KLHL20: variants seen among roughly 807,000 people sequenced by gnomAD.
The protein encoded by KLHL20 is kelch-like protein 20.
Under a neutral mutation model 69.5 loss-of-function variants are expected in KLHL20, and 29 were observed. The ratio of observed to expected loss-of-function variants is 0.42; its 90% confidence interval spans 0.31 to 0.57. The LOEUF (loss-of-function observed/expected upper bound fraction) is 0.57, where lower values mean the gene tolerates loss of function less well. Among genes scored for constraint, KLHL20 ranks in the 20% least tolerant of loss-of-function variants. The probability of loss-of-function intolerance (pLI) is 0.18; values close to 1 mark genes in which losing one functional copy is unlikely to be tolerated. For missense variants in KLHL20, 419 were observed against 776.0 expected (o/e 0.54, Z 5.47); for synonymous variants, 253 against 265.2 (o/e 0.95, Z 0.45).
At chr1:173,764,899 T>TA (rs1208011720) in intron 7 of KLHL20, among the ~76,000 whole-genome samples, 7 of 151,860 alleles carry the variant, frequency 4.6e-5, no homozygotes, top group Non-Finnish European at 8.8e-5. Context: ...CATCCCAGTT[T>TA]AAAAAAAATT....
At chr1:173,759,476 C>T (rs1013163125) in intron 7 of KLHL20, among the ~76,000 whole-genome samples, 8 of 152,170 alleles carry the variant, frequency 5.3e-5, no homozygotes, top group Admixed American at 2.0e-4. Context: ...CTCACGGAGT[C>T]CATTGCACCC....
chr1:173,718,207 C>T (rs1030848823), intron 2 of KLHL20, among the ~76,000 whole-genome samples: 2 of 151,408 alleles, frequency 1.3e-5, no homozygotes, highest in South Asian at 2.2e-4. Flanking sequence ...GGATTACAGG[C>T]GTGAGCCACC....
intron 8 of KLHL20, 21 bp from the exon 9 acceptor site, chr1:173,774,284 G>A (rs1215461062): frequency 6.2e-7 from 1 of 1,614,006 alleles, no homozygotes; most frequent in Admixed American, 1.7e-5. Flanking sequence ...CAAGCATACA[G>A]TCTGGTTTCC....
intron 8 of KLHL20, among the ~76,000 whole-genome samples, chr1:173,768,745 A>G (rs1647890414): frequency 6.6e-6 from 1 of 152,228 alleles, no homozygotes; most frequent in Non-Finnish European, 1.5e-5. Flanking sequence ...ATTTTATGTT[A>G]TGTGTGTTTT....
chr1:173,773,607 C>A (rs914379194), intron 8 of KLHL20, among the ~76,000 whole-genome samples: 1 of 151,878 alleles, frequency 6.6e-6, no homozygotes, highest in Non-Finnish European at 1.5e-5. Flanking sequence ...ACAGCCATCA[C>A]CCCCACTACA....
chr1:173,754,523 G>T (rs1379203998), intron 5 of KLHL20, among the ~76,000 whole-genome samples: 4 of 150,846 alleles, frequency 2.7e-5, no homozygotes, highest in Non-Finnish European at 5.9e-5. Context: ...GGTGGAGGTT[G>T]CGGTGAGCCA....
chr1:173,736,940 G>T (rs1419906748), intron 3 of KLHL20, among the ~76,000 whole-genome samples: 1 of 152,104 alleles, frequency 6.6e-6, no homozygotes, highest in African/African-American at 2.4e-5. Context: ...CAGGAGTAAA[G>T]TGGTATCACA....
intron 2 of KLHL20, among the ~76,000 whole-genome samples, chr1:173,727,445 T>C (rs142270664): frequency 0.09 from 13,719 of 152,024 alleles, 2,005 homozygotes; most frequent in African/African-American, 0.31. Context: ...AGACACATAA[T>C]TGTCAGATTC....
intron 2 of KLHL20, among the ~76,000 whole-genome samples, chr1:173,716,605 T>C (rs75912823): frequency 1.8e-4 from 27 of 152,272 alleles, no homozygotes; most frequent in South Asian, 1.4e-3. Flanking sequence ...TGGGAAAATA[T>C]AGACAATAAA....
chr1:173,734,229 T>C lies in KLHL20; in HGVS notation c.540T>C (p.His180=). 1 of 1,614,164 alleles carries C rather than the reference T, an allele frequency of 6.2e-7. No homozygotes were observed. The highest frequency in any genetic ancestry group is 8.5e-7 in the Non-Finnish European group (1 of 1,180,018). ...CLGIRAFADT[H]SCRELLRIAD... ...GCATTCGGGCTTTTGCTGACACACA[T>C]TCATGTCGTGAGTTGCTAAGGATAG... The change falls in exon 3 of 12, where the codon CAT becomes CAC. Residue 180 remains histidine, a synonymous_variant. Transcript: ENST00000209884.
At chr1:173,718,042 G>A (rs1313715184) in intron 2 of KLHL20, among the ~76,000 whole-genome samples, 1 of 152,068 alleles carries the variant, frequency 6.6e-6, no homozygotes, top group Non-Finnish European at 1.5e-5. Flanking sequence ...TTCTTTTAGA[G>A]GCATTGTAGT....
At chr1:173,720,515 T>G (rs867523112) in intron 2 of KLHL20, among the ~76,000 whole-genome samples, 3 of 152,202 alleles carry the variant, frequency 2.0e-5, no homozygotes, top group Non-Finnish European at 4.4e-5. Flanking sequence ...CCAATGGACA[T>G]TATTATATAC....
At chr1:173,765,564 C>A (rs1647648172) in intron 7 of KLHL20, among the ~76,000 whole-genome samples, 1 of 151,212 alleles carries the variant, frequency 6.6e-6, no homozygotes, top group Non-Finnish European at 1.5e-5. Context: ...CCCATTTGCA[C>A]AAAGAGAAAT....
rs556357115 is a variant in KLHL20, at chr1:173,768,761, A to C, written c.1295+2472A>C. Among the ~76,000 whole-genome samples the C allele has an allele frequency of 3.8e-4, 58 of 152,358 alleles. No homozygotes were observed. The South Asian group carries it at 9.3e-3, about 24-fold the overall frequency. ...TTTTATGTTATGTGTGTTTTACCAC[A>C]ATTTAAAAATCAGAACCTGTGAACA... On this transcript the variant is annotated intron_variant, in intron 8 of 11. Transcript: ENST00000209884.
intron 2 of KLHL20, among the ~76,000 whole-genome samples, chr1:173,727,483 T>C (rs548843829): frequency 2.5e-3 from 382 of 152,118 alleles, no homozygotes; most frequent in Non-Finnish European, 4.4e-3. Context: ...GGAAAAAATG[T>C]TAAGGGCAGC....
At chr1:173,729,657 G>T (rs185900488) in intron 2 of KLHL20, among the ~76,000 whole-genome samples, 4 of 152,210 alleles carry the variant, frequency 2.6e-5, no homozygotes, top group African/African-American at 7.2e-5. Context: ...GAAAAGGCCT[G>T]TGACAAAATT....
intron 10 of KLHL20, among the ~76,000 whole-genome samples, chr1:173,778,525 G>A (rs1399590895): frequency 1.3e-5 from 2 of 151,170 alleles, no homozygotes; most frequent in Non-Finnish European, 3.0e-5. Context: ...TTTTGGTAGA[G>A]TTGGGGTTTT....
In KLHL20 at chr1:173,781,474, C is replaced by T. The variant is rs928290792; in HGVS notation, c.1639-650C>T. ...GGGACTACAGGTATGCCCCACCACA[C>T]CCAGCTAATTTTTGTATTTTTTGTA... On this transcript the variant is annotated intron_variant, in intron 10 of 11. Coordinates refer to ENST00000209884, the MANE Select transcript of KLHL20 (RefSeq NM_014458.4). Among the ~76,000 whole-genome samples the T allele has an allele frequency of 5.9e-5, 9 of 152,210 alleles. No individual in the cohort carries two copies. In the East Asian group the frequency reaches 1.7e-3, roughly 29 times the overall value.
intron 2 of KLHL20, among the ~76,000 whole-genome samples, chr1:173,727,454 T>A (rs1432624887): frequency 6.6e-6 from 1 of 152,086 alleles, no homozygotes; most frequent in East Asian, 1.9e-4. Context: ...ATTGTCAGAT[T>A]CACCAAGGTT....
Sources: allele counts gnomAD v4.1 joint callset (sites outside exome capture counted in the v4.1 genomes callset), GRCh38; gene constraint gnomAD v4.1.1; transcripts MANE v1.5; gene names NCBI Gene and HGNC (gene_info 2026-07-23, HGNC 2026-07-21).